Variants in SLC25A14 observed in about 807,000 individuals in gnomAD.
SLC25A14 encodes the protein brain mitochondrial carrier protein 1.
SLC25A14 carries 8 observed loss-of-function variants against 28.1 expected under a neutral mutation model. The ratio of observed to expected loss-of-function variants is 0.28; its 90% CI spans 0.17 to 0.51. The LOEUF is 0.51. SLC25A14 is among the 20% of genes least tolerant of loss of function. The pLI is 0.97. For synonymous variants in SLC25A14, 74 were observed against 90.6 expected (o/e 0.82, Z 1.04); for missense variants, 135 against 263.8 (o/e 0.51, Z 3.38).
Position 130,373,319 on chromosome X carries a change from T to G in SLC25A14, c.*369T>G. 1 of 152,779 alleles carries G rather than the reference T, an allele frequency of 6.5e-6. No homozygotes were observed. 12.6% of individuals were successfully genotyped at this position (152,779 alleles called of 1,213,427 possible). A position where few individuals can be genotyped will look rare whatever the true frequency, so the allele number is the denominator to read the frequency against. Reference sequence around the variant, plus strand: ...CCAGGGTGGTTATTGCTATATGTGTTACAGACCTCGGTTCTCATTAAAGTA... The same window carrying G: ...CCAGGGTGGTTATTGCTATATGTGTGACAGACCTCGGTTCTCATTAAAGTA... On this transcript the variant is annotated 3_prime_UTR_variant, in exon 11 of 11. Transcript: ENST00000545805.
chrX:130,348,421 T>C (rs1431484711), intron 4 of SLC25A14, among the ~76,000 whole-genome samples: 1 of 111,047 alleles, frequency 9.0e-6, no homozygotes, highest in Non-Finnish European at 1.9e-5. Context: ...TGGTAGCTTC[T>C]GGTTTTCAAG....
intron 4 of SLC25A14, among the ~76,000 whole-genome samples, chrX:130,348,339 C>T (rs945623996): frequency 6.3e-5 from 7 of 110,354 alleles, no homozygotes; most frequent in South Asian, 3.9e-4. Flanking sequence ...GATTTGGGGA[C>T]GATACAAACA....
chrX:130,352,446 G>T (rs1173734381), intron 6 of SLC25A14, among the ~76,000 whole-genome samples: 1 of 112,184 alleles, frequency 8.9e-6, no homozygotes, highest in Non-Finnish European at 1.9e-5. Context: ...TAATGGGATT[G>T]CTGGGTTGAA....
intron 7 of SLC25A14, among the ~76,000 whole-genome samples, chrX:130,361,574 C>A (rs1292510067): frequency 2.7e-5 from 3 of 112,671 alleles, no homozygotes; most frequent in African/African-American, 9.7e-5. Context: ...AACATGAATA[C>A]TGAAAACATT....
rs1255633042 is a variant in SLC25A14, at chrX:130,371,592, T to C, written c.884T>C (p.Leu295Pro). 8.3e-7 allele frequency: 1 copy of C among 1,207,262 alleles called. No homozygotes were observed. The highest frequency in any genetic ancestry group is 1.1e-6 in the Non-Finnish European group (1 of 893,056). The part of the protein sequence containing the change: ...KMWKHEGFFA[L>P]YKGFWPNWLR... ...TGGAAACATGAGGGCTTTTTTGCAC[T>C]CTATAAAGGATTTTGGCCAAACTGG... The change falls in exon 10 of 11, where the codon CTC becomes CCC. Residue 295 changes from leucine (L) to proline (P), a missense_variant. By Grantham distance (98) the Leu-to-Pro change is moderately conservative. Transcript: ENST00000545805.
intron 10 of SLC25A14, 74 bp from the exon 11 acceptor site, chrX:130,372,835 A>T: frequency 1.4e-6 from 1 of 693,207 alleles, no homozygotes; most frequent in Non-Finnish European, 2.3e-6. Context: ...AATTTAAGAG[A>T]ATGCGATGCT....
chrX:130,372,805 G>A (rs5932752), intron 10 of SLC25A14, 104 bp from the exon 11 acceptor site: 251,542 of 596,833 alleles, frequency 0.42, 36,098 homozygotes, highest in Non-Finnish European at 0.45. Context: ...GATGCAGCTT[G>A]GAATAGCATA....
chrX:130,345,720 AT>A (rs1287427634), intron 3 of SLC25A14, among the ~76,000 whole-genome samples: 1 of 111,948 alleles, frequency 8.9e-6, no homozygotes, highest in East Asian at 2.8e-4. Flanking sequence ...TGATTTTGAA[AT>A]ATTTTTAGAT....
At chrX:130,371,792 A>C in intron 10 of SLC25A14, 148 bp downstream of exon 10, 1 of 436,426 alleles carries the variant, frequency 2.3e-6, no homozygotes, top group Non-Finnish European at 4.0e-6. Context: ...TTAAGCAAAG[A>C]AACAGCTTTC....
At chrX:130,358,607 A>G in intron 6 of SLC25A14, 33 bp from the exon 7 acceptor site, 1 of 989,509 alleles carries the variant, frequency 1.0e-6, no homozygotes, top group South Asian at 2.1e-5. Context: ...GTTCTCTCTG[A>G]CAAAATAAGA....
chrX:130,353,206 G>A (rs181328173), intron 6 of SLC25A14, among the ~76,000 whole-genome samples: 1 of 111,676 alleles, frequency 9.0e-6, no homozygotes, highest in East Asian at 2.8e-4. Context: ...ACTTAGAACA[G>A]GTATTTATGA....
intron 9 of SLC25A14, among the ~76,000 whole-genome samples, chrX:130,366,872 C>A (rs1265712953): frequency 8.9e-6 from 1 of 111,766 alleles, no homozygotes; most frequent in Non-Finnish European, 1.9e-5. Flanking sequence ...AACTCAGAAC[C>A]TGGGGAGTAA....
chrX:130,355,020 C>G (rs1353076238), intron 6 of SLC25A14, among the ~76,000 whole-genome samples: 1 of 112,170 alleles, frequency 8.9e-6, no homozygotes, highest in African/African-American at 3.2e-5. Flanking sequence ...AGAGAAAGTA[C>G]GGGTCTCGAT....
Position 130,371,582 on chromosome X carries a change from T to C in SLC25A14, c.874T>C (p.Phe292Leu), listed in dbSNP as rs1414359375. ...CCTGCAGATGTGGAAACATGAGGGC[T>C]TTTTTGCACTCTATAAAGGATTTTG... ...GILKMWKHEG[F>L]FALYKGFWPN... The change falls in exon 10 of 11, where the codon TTT becomes CTT. Residue 292 changes from phenylalanine to leucine, a missense_variant. By Grantham distance (22) the Phe-to-Leu change is conservative. Coordinates refer to ENST00000545805, the MANE Select transcript of SLC25A14 (RefSeq NM_001282195.2). 3.3e-6 allele frequency: 4 copies of C among 1,206,401 alleles called. No individual in the cohort carries two copies. The highest frequency in any genetic ancestry group is 4.5e-6 in the Non-Finnish European group (4 of 891,019).
intron 7 of SLC25A14, among the ~76,000 whole-genome samples, chrX:130,360,626 A>G (rs2033939916): frequency 8.9e-6 from 1 of 111,994 alleles, no homozygotes; most frequent in Non-Finnish European, 1.9e-5. Context: ...GCTTTTTGGT[A>G]ACAGCAGGGT....
intron 6 of SLC25A14, among the ~76,000 whole-genome samples, chrX:130,351,468 G>A (rs1280784857): frequency 1.8e-5 from 2 of 111,153 alleles, no homozygotes; most frequent in Non-Finnish European, 3.8e-5. Context: ...AGTATAGTTG[G>A]ATTTCTTTAA....
At chrX:130,363,952 C>T (rs2034047030) in intron 7 of SLC25A14, among the ~76,000 whole-genome samples, 1 of 111,141 alleles carries the variant, frequency 9.0e-6, no homozygotes, top group South Asian at 3.8e-4. Context: ...CCAGGTTTGT[C>T]TAGAACTCCT....
intron 6 of SLC25A14, among the ~76,000 whole-genome samples, chrX:130,357,390 T>C (rs968553345): frequency 9.0e-6 from 1 of 111,504 alleles, no homozygotes; most frequent in African/African-American, 3.3e-5. Flanking sequence ...TGAGACATCA[T>C]TTATCTTGAT....
chrX:130,364,929 G>A, intron 8 of SLC25A14, 177 bp downstream of exon 8: 2 of 992,525 alleles, frequency 2.0e-6, no homozygotes, highest in Non-Finnish European at 2.6e-6. Context: ...GAAATGCCAG[G>A]TGCTATGGGG....
Sources: gnomAD v4.1 joint callset for allele counts (sites outside exome capture counted in the v4.1 genomes callset) on GRCh38, gnomAD v4.1.1 for gene constraint, MANE v1.5 for transcripts, NCBI Gene and HGNC (gene_info 2026-07-23, HGNC 2026-07-21) for gene names.